Variants in CCSER1 observed in about 807,000 individuals in gnomAD.
CCSER1 encodes serine-rich coiled-coil domain-containing protein 1.
A neutral mutation model predicts 82.0 loss-of-function variants in CCSER1; 41 were observed. The observed-to-expected ratio is 0.50, with a 90% CI of 0.39 to 0.65. CCSER1 has a LOEUF of 0.65. CCSER1 is among the 30% of genes least tolerant of loss of function. The pLI, the probability that CCSER1 is intolerant of heterozygous loss-of-function variation, is 0.00. For missense variants in CCSER1, 1,119 were observed against 1,064.2 expected, an observed-to-expected ratio of 1.05 and a Z score of -0.72; for synonymous variants, 414 against 383.9, an observed-to-expected ratio of 1.08 and a Z score of -0.92.
chr4:90,845,454 A>C (rs542246585), intron 8 of CCSER1, among the ~76,000 whole-genome samples: 3 of 152,232 alleles, frequency 2.0e-5, no homozygotes, highest in Admixed American at 1.3e-4. Flanking sequence ...AATTACTAAT[A>C]AATTTGCCCT....
intron 10 of CCSER1, among the ~76,000 whole-genome samples, chr4:91,176,412 G>C (rs773031148): frequency 3.3e-5 from 5 of 152,060 alleles, no homozygotes; most frequent in Non-Finnish European, 5.9e-5. Context: ...AATTACCTTG[G>C]GCAGTGTGGC....
chr4:90,468,058 A>T (rs1763869501), intron 4 of CCSER1, among the ~76,000 whole-genome samples, 176 bp from the exon 5 acceptor site: 1 of 152,228 alleles, frequency 6.6e-6, no homozygotes. Flanking sequence ...GCCCAAGGTC[A>T]TATAGCTAGT....
chr4:90,301,896 T>C (rs940852270), intron 1 of CCSER1, among the ~76,000 whole-genome samples: 14 of 152,186 alleles, frequency 9.2e-5, no homozygotes, highest in Admixed American at 5.2e-4. Flanking sequence ...TCATGAATAA[T>C]TGAAGTTGCT....
chr4:91,166,128 A>G (rs1397008103), intron 10 of CCSER1, among the ~76,000 whole-genome samples: 1 of 152,244 alleles, frequency 6.6e-6, no homozygotes, highest in Non-Finnish European at 1.5e-5. Context: ...GAGTTACATC[A>G]GATACAGAAG....
At chr4:90,198,018 T>C (rs1315183840) in intron 1 of CCSER1, among the ~76,000 whole-genome samples, 3 of 152,132 alleles carry the variant, frequency 2.0e-5, no homozygotes, top group African/African-American at 7.2e-5. Flanking sequence ...TGCATACCTG[T>C]ATCAAAACAT....
At chr4:90,578,993 T>C (rs72887428) in intron 5 of CCSER1, among the ~76,000 whole-genome samples, 40,952 of 151,748 alleles carry the variant, frequency 0.27, 5,983 homozygotes, top group East Asian at 0.5. Context: ...GCTTATAAAG[T>C]ATATAAATAT....
At chr4:91,551,269 A>C (rs73838042) in intron 10 of CCSER1, among the ~76,000 whole-genome samples, 8,091 of 152,226 alleles carry the variant, frequency 0.053, 236 homozygotes, top group Middle Eastern at 0.078. Context: ...TAGTTTTGCT[A>C]TACAGTGCCT....
Position 91,071,329 on chromosome 4 carries a change from G to A in CCSER1, c.2173-14621G>A, listed in dbSNP as rs1224764843. 2.6e-5 allele frequency among the ~76,000 whole-genome samples: 4 copies of A among 152,124 alleles called. No homozygotes were observed. In the East Asian group the frequency reaches 7.7e-4, roughly 29 times the overall value. On this transcript the variant is annotated intron_variant, in intron 9 of 10. Coordinates refer to ENST00000509176, the MANE Select transcript of CCSER1 (RefSeq NM_001145065.2). ...TTTTAAGGGTGCCAGAAGTGAAGTA[G>A]GCAGAAGATTGTAATATTAAATAGA...
intron 10 of CCSER1, among the ~76,000 whole-genome samples, chr4:91,199,649 G>A (rs28505866): frequency 1.3e-5 from 2 of 151,812 alleles, no homozygotes; most frequent in Admixed American, 1.3e-4. Context: ...TGTTTTTAAG[G>A]GTGCTTCTAT....
At chr4:90,339,123 T>G (rs1208538547) in intron 3 of CCSER1, among the ~76,000 whole-genome samples, 1 of 152,204 alleles carries the variant, frequency 6.6e-6, no homozygotes, top group Non-Finnish European at 1.5e-5. Flanking sequence ...AACTCCAGAC[T>G]AGTAAATCCA....
At chr4:90,494,084 C>T (rs7659050) in intron 5 of CCSER1, among the ~76,000 whole-genome samples, 2,465 of 151,640 alleles carry the variant, frequency 0.016, 41 homozygotes, top group African/African-American at 0.048. Context: ...GCCAAGCAAA[C>T]GGAAAACAAA....
chr4:91,392,162 T>C (rs565255658), intron 10 of CCSER1, among the ~76,000 whole-genome samples: 9 of 152,210 alleles, frequency 5.9e-5, no homozygotes, highest in African/African-American at 1.7e-4. Context: ...CATCTCAGGG[T>C]AAAAGTATTT....
chr4:91,174,331 C>T (rs530766787), intron 10 of CCSER1, among the ~76,000 whole-genome samples: 117 of 152,096 alleles, frequency 7.7e-4, no homozygotes, highest in African/African-American at 2.4e-3. Context: ...ATTTTTAACA[C>T]CTCAGTATGC....
At chr4:91,415,296 A>C in intron 10 of CCSER1, among the ~76,000 whole-genome samples, 1 of 152,140 alleles carries the variant, frequency 6.6e-6, no homozygotes, top group Non-Finnish European at 1.5e-5. Context: ...AATCAGCTTA[A>C]CAAGCTTTTG....
chr4:91,061,692 C>G (rs1000271842), intron 9 of CCSER1, among the ~76,000 whole-genome samples: 1 of 151,978 alleles, frequency 6.6e-6, no homozygotes, highest in South Asian at 2.1e-4. Context: ...GATAGGTTCT[C>G]CTACTACTTC....
chr4:90,898,894 G>T (rs74912267), intron 8 of CCSER1, among the ~76,000 whole-genome samples: 6 of 76,374 alleles, frequency 7.9e-5, no homozygotes, highest in Admixed American at 1.1e-4. Flanking sequence ...CTCTGGTTTT[G>T]TTTTTAATGC....
intron 5 of CCSER1, among the ~76,000 whole-genome samples, chr4:90,499,440 A>G (rs941976269): frequency 2.4e-4 from 37 of 152,174 alleles, no homozygotes; most frequent in African/African-American, 8.7e-4. Context: ...AAAACTGTGC[A>G]TGTGTAATGA....
chr4:91,198,766 G>A (rs1240787518), intron 10 of CCSER1, among the ~76,000 whole-genome samples: 1 of 152,124 alleles, frequency 6.6e-6, no homozygotes, highest in Non-Finnish European at 1.5e-5. Flanking sequence ...CTTAAAATGA[G>A]ATGCCAATTA....
At chr4:91,206,074 A>G (rs556273789) in intron 10 of CCSER1, among the ~76,000 whole-genome samples, 3 of 152,046 alleles carry the variant, frequency 2.0e-5, no homozygotes, top group South Asian at 2.1e-4. Context: ...TTATGTTTAA[A>G]CTGAAACGTG....
Sources: gnomAD v4.1 joint callset for allele counts (sites outside exome capture counted in the v4.1 genomes callset) on GRCh38, gnomAD v4.1.1 for gene constraint, MANE v1.5 for transcripts, NCBI Gene and HGNC (gene_info 2026-07-23, HGNC 2026-07-21) for gene names.